Variants in IRS2 observed in about 807,000 individuals in gnomAD.
The protein encoded by IRS2 is insulin receptor substrate 2.
In IRS2, 28 loss-of-function variants were observed where a neutral mutation model predicts 70.9. The ratio of observed to expected loss-of-function variants is 0.39; its 90% CI spans 0.29 to 0.54. The LOEUF (loss-of-function observed/expected upper bound fraction) is 0.54. Among genes scored for constraint, IRS2 ranks in the 20% least tolerant of loss-of-function variants. The pLI is 0.59. For synonymous variants in IRS2, 1,217 were observed against 981.9 expected (o/e 1.24, Z -4.48); for missense variants, 2,081 against 2,024.1 (o/e 1.03, Z -0.54).
rs2138939539 is a variant in IRS2 at position 109,785,896 on chromosome 13, G to A, written c.158C>T (p.Pro53Leu). 6.7e-7 allele frequency: 1 copy of A among 1,495,174 alleles called. No homozygotes were observed. The highest frequency in any genetic ancestry group is 8.9e-7 in the Non-Finnish European group (1 of 1,129,880). 92.6% of individuals were successfully genotyped at this position (1,495,174 alleles called of 1,614,324 possible). ...CGTCGCCTCGTCGCCGCCCGCGCCG[G>A]GTCCGCGCAGCACGAAGAAGCGCTT... ...GHKRFFVLRGPGAGGDEATAG... is the reference protein window; with the variant it reads ...GHKRFFVLRGLGAGGDEATAG... Residue 53 changes from proline (P) to leucine (L), a missense_variant, in exon 1 of 2, where the codon CCC becomes CTC. Around this residue, in one of 4 missense-constraint regions of IRS2, gnomAD observed 320 missense variants for 352.9 expected, o/e 0.91. Transcript: ENST00000375856. This position sits in a 1 kb window ranked among gnomAD's most constrained non-coding sequence, Gnocchi z 9.3.
In IRS2 at chr13:109,775,579, A is replaced by G. The variant is rs540031966; in HGVS notation, c.4012+6463T>C. On this transcript the variant is annotated intron_variant, in intron 1 of 1. Transcript: ENST00000375856. Reference sequence around the variant, plus strand: ...AATTGAAATTTCATACCACACCGTAATAACTGACTCAAGTATTTGTACTAA... The same window carrying G: ...AATTGAAATTTCATACCACACCGTAGTAACTGACTCAAGTATTTGTACTAA... Among the ~76,000 whole-genome samples the G allele has an allele frequency of 1.3e-5, 2 of 152,272 alleles. 1 individual carries two copies. Among genetic ancestry groups the G allele is most frequent in the African/African-American group, 4.8e-5 (2 of 41,538 alleles).
chr13:109,767,032 TCA>T (rs1877350438), intron 1 of IRS2, among the ~76,000 whole-genome samples: 1 of 152,202 alleles, frequency 6.6e-6, no homozygotes. Context: ...GGGAGGAGCC[TCA>T]CACACCAGAG....
chr13:109,756,271 T>C lies in IRS2; in HGVS notation c.*33A>G. The C allele has an allele frequency of 1.3e-6, 2 of 1,580,318 alleles. No homozygotes were observed. The highest frequency in any genetic ancestry group is 1.7e-6 in the Non-Finnish European group (2 of 1,149,266). On this transcript the variant is annotated 3_prime_UTR_variant, in exon 2 of 2. Transcript: ENST00000375856. Reference sequence around the variant, plus strand: ...CTTCTTTTAATGATACTCTCTGACATGTGACATCCTGGTGATAAAGCCAGA... The same window carrying C: ...CTTCTTTTAATGATACTCTCTGACACGTGACATCCTGGTGATAAAGCCAGA...
rs767604875 is a variant in IRS2 at position 109,785,384 on chromosome 13, G to C, written c.670C>G (p.Arg224Gly). Residue 224 changes from arginine to glycine, a missense_variant, in exon 1 of 2, where the codon CGC becomes GGC. Arg to Gly is a moderately radical substitution (Grantham distance 125). Coordinates refer to ENST00000375856, the MANE Select transcript of IRS2 (RefSeq NM_003749.3). The surrounding 1 kb of genome is among the most constrained non-coding windows in gnomAD (Gnocchi z 9.3). ...TGVYRLCLSA[R>G]TIGFVKLNCE... ...TTGAGCTTCACGAAGCCGATGGTGC[G>C]CGCAGACAGGCACAGACGGTACACC... 6.2e-7 allele frequency: 1 copy of C among 1,612,514 alleles called. No homozygotes were observed. The highest frequency in any genetic ancestry group is 1.7e-4 in the Middle Eastern group (1 of 6,060).
At chr13:109,758,499 T>A (rs1037700946) in intron 1 of IRS2, among the ~76,000 whole-genome samples, 2 of 151,786 alleles carry the variant, frequency 1.3e-5, no homozygotes, top group Admixed American at 1.3e-4. Context: ...CTGAAAAAAA[T>A]TACTTTCCAT....
In IRS2 at chr13:109,783,979, G is replaced by T; in HGVS notation, c.2075C>A (p.Pro692His). 1 of 1,528,090 alleles carries T rather than the reference G, an allele frequency of 6.5e-7. No individual in the cohort carries two copies. The allele number at this position is 1,528,090 out of a possible 1,614,324, so 94.7% of individuals were successfully genotyped here. A position where few individuals can be genotyped will look rare whatever the true frequency, so the allele number is the denominator to read the frequency against. ...SVSAPKQILQ[P>H]RAAAAAAAAV... is the part of the protein sequence containing the mutation. ...GGCGGCGGCGGCGGCGGCGGCCCTG[G>T]GCTGCAAGATCTGCTTGGGGGCGGA... The change falls in exon 1 of 2, where the codon CCC (proline) becomes CAC (histidine). Residue 692 changes from proline (P) to histidine (H), a missense_variant. Around this residue, in one of 4 missense-constraint regions of IRS2, gnomAD observed 1,615 missense variants for 1,459.5 expected, o/e 1.11. Transcript: ENST00000375856.
chr13:109,756,319 AAGG>A lies in IRS2; in HGVS notation c.4013-14_4013-12del. The A allele has an allele frequency of 3.1e-6, 5 of 1,611,952 alleles. No homozygotes were observed. The highest frequency in any genetic ancestry group is 4.2e-6 in the Non-Finnish European group (5 of 1,177,978). On this transcript the variant is annotated splice_polypyrimidine_tract_variant and intron_variant, in intron 1 of 1. Transcript: ENST00000375856. ...AGACAGATCTTCACTCTGAAAAAGAAAGGAGGGAAGTTAGCAGAGACCCTCAGG... is the reference window on the plus strand; with the variant it reads ...AGACAGATCTTCACTCTGAAAAAGAAAGGGAAGTTAGCAGAGACCCTCAGG...
At position 109,755,762 on chromosome 13, in the gene IRS2, C is replaced by T. The variant is rs773804521; in HGVS notation, c.*542G>A. ...GGACCATTTCAATAAGGCCGAGGAC[C>T]GCGCTCCAGACACACAGCGCAGGGG... is the stretch of plus-strand genomic sequence containing the variant. On this transcript the variant is annotated 3_prime_UTR_variant, in exon 2 of 2. Transcript: ENST00000375856. 3.3e-5 allele frequency: 7 copies of T among 209,084 alleles called. No homozygotes were observed. Among genetic ancestry groups the T allele is most frequent in the South Asian group, 1.8e-4 (1 of 5,638 alleles). The allele number at this position is 209,084 out of a possible 1,614,324, so 13.0% of individuals were successfully genotyped here.
At chr13:109,764,296 G>A (rs749496000) in intron 1 of IRS2, among the ~76,000 whole-genome samples, 10 of 152,070 alleles carry the variant, frequency 6.6e-5, no homozygotes, top group Admixed American at 1.3e-4. Flanking sequence ...CACCAGAGCC[G>A]GGTCCCCAGG....
Position 109,785,577 on chromosome 13 carries a change from G to C in IRS2, c.477C>G (p.Pro159=), listed in dbSNP as rs1284590042. 2.3e-6 allele frequency: 3 copies of C among 1,310,196 alleles called. No individual in the cohort carries two copies. Among genetic ancestry groups the C allele is most frequent in the Non-Finnish European group, 2.9e-6 (3 of 1,031,862 alleles). The allele number at this position is 1,310,196 out of a possible 1,614,324, so 81.2% of individuals were successfully genotyped here. The part of the protein sequence containing the change: ...AAGDAPPAAA[P]AASCSASLPG... ...GCAGGGAGGCGCTGCAGGACGCGGC[G>C]GGCGCGGCGGCGGGGGGCGCGTCTC... is the stretch of plus-strand genomic sequence containing the variant. Residue 159 remains proline, a synonymous_variant, in exon 1 of 2, where the codon CCC becomes CCG. Coordinates refer to ENST00000375856, the MANE Select transcript of IRS2 (RefSeq NM_003749.3). This position sits in a 1 kb window ranked among gnomAD's most constrained non-coding sequence, Gnocchi z 9.3.
chr13:109,774,581 T>TAGA lies in IRS2; in HGVS notation c.4012+7460_4012+7461insTCT, dbSNP rs1441626036. 6.8e-3 allele frequency among the ~76,000 whole-genome samples: 1,040 copies of TAGA among 152,180 alleles called. 10 individuals are homozygous for TAGA. Among genetic ancestry groups the TAGA allele is most frequent in the African/African-American group, 0.024 (983 of 41,520 alleles). ...CTAATGTAATTATTGCATATGAGCT[T>TAGA]CCCAAGCAGACAATATGACATTAGA... On this transcript the variant is annotated intron_variant, in intron 1 of 1. Coordinates refer to ENST00000375856, the MANE Select transcript of IRS2 (RefSeq NM_003749.3).
chr13:109,782,331 T>C lies in IRS2; in HGVS notation c.3723A>G (p.Arg1241=), dbSNP rs1314155082. ...CPGSGGSPMR[R]ETSAGFQNGL... ...CATTCTGGAAGCCGGCAGAGGTCTC[T>C]CTGCGCATGGGCGATCCACCGCTCC... Residue 1241 remains arginine, a synonymous_variant, in exon 1 of 2, where the codon AGA becomes AGG. Coordinates refer to ENST00000375856, the MANE Select transcript of IRS2 (RefSeq NM_003749.3). 2 of 1,611,484 alleles carry C rather than the reference T, an allele frequency of 1.2e-6. No individual in the cohort carries two copies. Among genetic ancestry groups the C allele is most frequent in the Admixed American group, 1.7e-5 (1 of 59,966 alleles).
chr13:109,757,959 G>C (rs1877144006), intron 1 of IRS2, among the ~76,000 whole-genome samples: 2 of 152,244 alleles, frequency 1.3e-5, no homozygotes, highest in Non-Finnish European at 2.9e-5. Flanking sequence ...TGGGATTACA[G>C]GCGTGGGCCA....
chr13:109,755,147 CTTCTTT>C lies in IRS2; in HGVS notation c.*1151_*1156del, dbSNP rs1042219125. 4.3e-6 allele frequency: 1 copy of C among 230,730 alleles called. No individual in the cohort carries two copies. The highest frequency in any genetic ancestry group is 2.2e-5 in the African/African-American group (1 of 44,936). The allele number at this position is 230,730 out of a possible 1,614,324, so 14.3% of individuals were successfully genotyped here. On this transcript the variant is annotated 3_prime_UTR_variant, in exon 2 of 2. Coordinates refer to ENST00000375856, the MANE Select transcript of IRS2 (RefSeq NM_003749.3). ...TAACATGTACTGCGAGATTGCTTTTCTTCTTTTTCTTTTTCCATCAATAACATAGGG... is the reference window on the plus strand; with the variant it reads ...TAACATGTACTGCGAGATTGCTTTTCTTCTTTTTCCATCAATAACATAGGG...
At chr13:109,760,822 A>G in intron 1 of IRS2, among the ~76,000 whole-genome samples, 1 of 152,356 alleles carries the variant, frequency 6.6e-6, no homozygotes, top group African/African-American at 2.4e-5. Flanking sequence ...TGATTAAGAC[A>G]AGGAGGAAAG....
chr13:109,764,995 C>T (rs755194353), intron 1 of IRS2, among the ~76,000 whole-genome samples: 1 of 152,160 alleles, frequency 6.6e-6, no homozygotes, highest in Non-Finnish European at 1.5e-5. Flanking sequence ...ACAAAATGCC[C>T]GGGAAGGGGC....
At chr13:109,775,753 AACACACACACACACACACAC>A (rs71127906) in intron 1 of IRS2, among the ~76,000 whole-genome samples, 8 of 140,462 alleles carry the variant, frequency 5.7e-5, no homozygotes, top group African/African-American at 1.1e-4. Flanking sequence ...ATATTATGGA[AACACACACACACACACACAC>A]ACACACACAC....
chr13:109,783,504 C>T lies in IRS2; in HGVS notation c.2550G>A (p.Ala850=), dbSNP rs756598059. ...EPQATPGPSQ[A]ASAFGAGPTQ... Reference sequence around the variant, plus strand: ...TGGGGCCGGCCCCGAAGGCGCTGGCCGCCTGGCTGGGCCCTGGCGTGGCCT... The same window carrying T: ...TGGGGCCGGCCCCGAAGGCGCTGGCTGCCTGGCTGGGCCCTGGCGTGGCCT... The change falls in exon 1 of 2, where the codon GCG becomes GCA. Residue 850 remains alanine (A), a synonymous_variant. Coordinates refer to ENST00000375856, the MANE Select transcript of IRS2 (RefSeq NM_003749.3). 4.7e-5 allele frequency: 72 copies of T among 1,546,920 alleles called. No homozygotes were observed. In the African/African-American group the frequency reaches 9.0e-4, roughly 19 times the overall value.
intron 1 of IRS2, among the ~76,000 whole-genome samples, chr13:109,779,662 A>T (rs879158079): frequency 6.6e-6 from 1 of 151,976 alleles, no homozygotes; most frequent in Non-Finnish European, 1.5e-5. Context: ...CTTTTTTTTT[A>T]AATGTCGTTG....
Sources: gnomAD v4.1 joint callset for allele counts (sites outside exome capture counted in the v4.1 genomes callset) on GRCh38, gnomAD v4.1.1 for gene constraint, gnomAD v4.1.1 regional missense constraint, Gnocchi (gnomAD v3.1) non-coding constraint, MANE v1.5 for transcripts, NCBI Gene and HGNC (gene_info 2026-07-23, HGNC 2026-07-21) for gene names.